The following RPRD2 variants were observed in gnomAD, a reference collection of about 807,000 sequenced individuals.
RPRD2 encodes the protein regulation of nuclear pre-mRNA domain containing 2.
Under a neutral mutation model 104.4 loss-of-function variants are expected in RPRD2, and 12 were observed. That is an observed-to-expected ratio of 0.11 (90% CI 0.07 to 0.19). The LOEUF is 0.19. Among genes scored for constraint, RPRD2 ranks in the 10% least tolerant of loss-of-function variants. The pLI is 1.00. For synonymous variants in RPRD2, 714 were observed against 684.9 expected, an observed-to-expected ratio of 1.04 and a Z score of -0.66; for missense variants, 1,543 against 1,790.1, an observed-to-expected ratio of 0.86 and a Z score of 2.49.
Position 150,471,240 on chromosome 1 carries a change from C to T in RPRD2, c.2292C>T (p.Pro764=). 1 of 1,613,854 alleles carries T rather than the reference C, an allele frequency of 6.2e-7. No individual in the cohort carries two copies. Among genetic ancestry groups the T allele is most frequent in the Non-Finnish European group, 8.5e-7 (1 of 1,179,856 alleles). ...TCATTAGCCCTGGTTCCTCAACACC[C>T]AGCAGTACAAGATCACCACCCCCTG... ...SKIISPGSST[P]SSTRSPPPGR... The change falls in exon 11 of 11, where the codon CCC becomes CCT. Residue 764 remains proline (P), a synonymous_variant. Transcript: ENST00000369068. This position sits in a 1 kb window ranked among gnomAD's most constrained non-coding sequence, Gnocchi z 5.3.
At chr1:150,374,522 T>G (rs1339224289) in intron 1 of RPRD2, among the ~76,000 whole-genome samples, 1 of 152,186 alleles carries the variant, frequency 6.6e-6, no homozygotes, top group Non-Finnish European at 1.5e-5. Context: ...GATTTGTGAT[T>G]GGCATGGGAA....
chr1:150,401,715 C>T (rs1239342186), intron 1 of RPRD2, among the ~76,000 whole-genome samples: 1 of 151,008 alleles, frequency 6.6e-6, no homozygotes, highest in Non-Finnish European at 1.5e-5. Flanking sequence ...GCAATCTCGG[C>T]TCACTGCAAA....
chr1:150,404,699 G>A (rs1303976853), intron 1 of RPRD2, among the ~76,000 whole-genome samples: 3 of 152,056 alleles, frequency 2.0e-5, no homozygotes, highest in African/African-American at 4.8e-5. Flanking sequence ...TGAACTCGTA[G>A]GCCTAAGCAG....
At chr1:150,404,271 G>C (rs1255813920) in intron 1 of RPRD2, among the ~76,000 whole-genome samples, 2 of 151,870 alleles carry the variant, frequency 1.3e-5, no homozygotes, top group Non-Finnish European at 2.9e-5. Flanking sequence ...TTTTGAGATG[G>C]GGTCTCACTC....
intron 10 of RPRD2, among the ~76,000 whole-genome samples, chr1:150,467,808 TC>T (rs1354480304): frequency 6.6e-6 from 1 of 152,126 alleles, no homozygotes; most frequent in Non-Finnish European, 1.5e-5. Context: ...GTTAATGAAA[TC>T]CCAGAACTTT....
intron 7 of RPRD2, among the ~76,000 whole-genome samples, chr1:150,451,109 A>G (rs1667137135): frequency 6.6e-6 from 1 of 152,056 alleles, no homozygotes; most frequent in African/African-American, 2.4e-5. Flanking sequence ...TCGTGACCTA[A>G]ATATGTTTGA....
intron 1 of RPRD2, among the ~76,000 whole-genome samples, chr1:150,368,546 C>G (rs1280006181): frequency 1.3e-5 from 2 of 151,270 alleles, no homozygotes; most frequent in African/African-American, 4.9e-5. Flanking sequence ...TCACTGCAAC[C>G]TCCGCCTCCC....
intron 1 of RPRD2, among the ~76,000 whole-genome samples, chr1:150,401,745 G>A (rs1445637195): frequency 4.7e-5 from 7 of 150,522 alleles, no homozygotes; most frequent in Non-Finnish European, 8.9e-5. Context: ...CTGGTTTCAC[G>A]CCCTTCTCCT....
intron 7 of RPRD2, among the ~76,000 whole-genome samples, chr1:150,456,475 T>A (rs1667531495): frequency 6.6e-6 from 1 of 151,956 alleles, no homozygotes; most frequent in Non-Finnish European, 1.5e-5. Context: ...CTAATCAGAG[T>A]CAAAATGGGT....
At position 150,471,092 on chromosome 1, in the gene RPRD2, C is replaced by A. The variant is rs781388311; in HGVS notation, c.2144C>A (p.Thr715Asn). Residue 715 changes from threonine to asparagine, a missense_variant, in exon 11 of 11, where the codon ACC (threonine) becomes AAC (asparagine). By Grantham distance (65) the Thr-to-Asn change is moderately conservative. This residue lies in a region of RPRD2 where 572 missense variants were observed against 787.3 expected (regional missense o/e 0.73). Transcript: ENST00000369068. This position sits in a 1 kb window ranked among gnomAD's most constrained non-coding sequence, Gnocchi z 5.3. The part of the protein sequence containing the change: ...PSDFQRGPTS[T>N]SIDNIDGTPV... ...GACTTCCAGCGTGGCCCTACTAGCA[C>A]CTCAATCGACAACATTGATGGAACC... is the stretch of plus-strand genomic sequence containing the variant. 3 of 1,614,020 alleles carry A rather than the reference C, an allele frequency of 1.9e-6. No homozygotes were observed. The highest frequency in any genetic ancestry group is 1.7e-6 in the Non-Finnish European group (2 of 1,179,898).
chr1:150,464,786 A>T, intron 10 of RPRD2, 59 bp downstream of exon 10: 1 of 1,304,304 alleles, frequency 7.7e-7, no homozygotes, highest in Non-Finnish European at 1.1e-6. Flanking sequence ...GCTTAAATTA[A>T]TCCTGGATTC....
chr1:150,469,445 T>A (rs914684351), intron 10 of RPRD2, among the ~76,000 whole-genome samples: 1 of 151,964 alleles, frequency 6.6e-6, no homozygotes, highest in Non-Finnish European at 1.5e-5. Context: ...CCCAGCTGAT[T>A]TTTAAATTTT....
chr1:150,463,357 T>TAA (rs1553899253), intron 9 of RPRD2, among the ~76,000 whole-genome samples: 6 of 152,126 alleles, frequency 3.9e-5, no homozygotes, highest in Non-Finnish European at 5.9e-5. Context: ...AAAAATAAAG[T>TAA]ATTTTAATAT....
chr1:150,468,582 A>T (rs1668425393), intron 10 of RPRD2, among the ~76,000 whole-genome samples: 2 of 152,112 alleles, frequency 1.3e-5, no homozygotes, highest in South Asian at 4.1e-4. Context: ...AGTGATTACT[A>T]AGAATTAAAT....
chr1:150,459,356 A>G (rs891432312), intron 8 of RPRD2, among the ~76,000 whole-genome samples: 2 of 152,230 alleles, frequency 1.3e-5, no homozygotes, highest in South Asian at 2.1e-4. Flanking sequence ...GGAAAATACA[A>G]TGAACACTAT....
intron 1 of RPRD2, among the ~76,000 whole-genome samples, chr1:150,373,797 A>G (rs1249945601): frequency 2.6e-5 from 4 of 152,200 alleles, no homozygotes; most frequent in Admixed American, 2.0e-4. Context: ...TGTCTAGTAT[A>G]TGGATTGTTT....
rs1307992447 is a variant in RPRD2 at position 150,474,373 on chromosome 1, C to G, written c.*1039C>G. ...TATTTGTCTTTATCTTCCTTTTCCCCTTGCCTCAGTCGTGTTATTCACCCC... is the reference window on the plus strand; with the variant it reads ...TATTTGTCTTTATCTTCCTTTTCCCGTTGCCTCAGTCGTGTTATTCACCCC... On this transcript the variant is annotated 3_prime_UTR_variant, in exon 11 of 11. Transcript: ENST00000369068. 1.3e-5 allele frequency: 2 copies of G among 152,076 alleles called. No homozygotes were observed. The highest frequency in any genetic ancestry group is 4.8e-5 in the African/African-American group (2 of 41,356). 9.4% of individuals were successfully genotyped at this position (152,076 alleles called of 1,614,324 possible).
At chr1:150,457,161 T>G (rs12131672) in intron 7 of RPRD2, 127 bp from the exon 8 acceptor site, 152,558 of 784,772 alleles carry the variant, frequency 0.19, 16,972 homozygotes, top group African/African-American at 0.32. Flanking sequence ...GAGGCAGAGG[T>G]TGCAGTGAAC....
At chr1:150,379,795 C>G (rs928855375) in intron 1 of RPRD2, among the ~76,000 whole-genome samples, 1 of 152,222 alleles carries the variant, frequency 6.6e-6, no homozygotes, top group African/African-American at 2.4e-5. Context: ...CTTGGCCTCC[C>G]TAAGTACTGG....
Sources: gnomAD v4.1 joint callset for allele counts (sites outside exome capture counted in the v4.1 genomes callset) on GRCh38, gnomAD v4.1.1 for gene constraint, gnomAD v4.1.1 regional missense constraint, Gnocchi (gnomAD v3.1) non-coding constraint, MANE v1.5 for transcripts, NCBI Gene and HGNC (gene_info 2026-07-23, HGNC 2026-07-21) for gene names.